The following CDH18 variants were observed in gnomAD, a reference collection of about 807,000 sequenced individuals.
CDH18 encodes the protein cadherin-18.
CDH18 carries 31 observed loss-of-function variants against 67.9 expected under a neutral mutation model. The observed-to-expected ratio is 0.46, with a 90% CI of 0.34 to 0.62. CDH18 has a LOEUF of 0.62. CDH18 is among the 20% of genes least tolerant of loss of function. The pLI is 0.01. For missense variants in CDH18, 890 were observed against 975.5 expected, an observed-to-expected ratio of 0.91 and a Z score of 1.17; for synonymous variants, 362 against 347.2, an observed-to-expected ratio of 1.04 and a Z score of -0.48.
chr5:20,329,701 C>T (rs892840731), intron 1 of CDH18, among the ~76,000 whole-genome samples: 41 of 127,226 alleles, frequency 3.2e-4, no homozygotes, highest in African/African-American at 1.1e-3. Context: ...ACCCCGGAGG[C>T]GGAGGTTGCA....
chr5:20,483,539 C>A (rs1456136634), intron 1 of CDH18, among the ~76,000 whole-genome samples: 1 of 150,880 alleles, frequency 6.6e-6, no homozygotes, highest in Admixed American at 6.6e-5. Flanking sequence ...TTATAATAAC[C>A]AAAACAGCAT....
chr5:20,555,512 T>A (rs1757859480), intron 1 of CDH18, among the ~76,000 whole-genome samples: 2 of 140,796 alleles, frequency 1.4e-5, no homozygotes, highest in South Asian at 4.7e-4. Context: ...TGGCGCAATC[T>A]CCGTTCACTG....
chr5:19,851,019 A>C (rs536360410), intron 2 of CDH18, among the ~76,000 whole-genome samples: 17 of 151,898 alleles, frequency 1.1e-4, no homozygotes, highest in Admixed American at 2.0e-4. Flanking sequence ...GGATATTCCA[A>C]TGAATTTTTA....
chr5:19,695,941 T>C (rs1762478839), intron 5 of CDH18, among the ~76,000 whole-genome samples: 1 of 152,202 alleles, frequency 6.6e-6, no homozygotes, highest in Admixed American at 6.5e-5. Context: ...ATTTTGCTGG[T>C]AACAATTTCA....
intron 2 of CDH18, among the ~76,000 whole-genome samples, chr5:20,075,301 G>A (rs565784645): frequency 1.4e-3 from 214 of 152,166 alleles, no homozygotes; most frequent in African/African-American, 4.8e-3. Flanking sequence ...TCAGGAGATC[G>A]AGACCGTCCT....
At position 19,717,383 on chromosome 5, in the gene CDH18, A is replaced by G. The variant is rs1403967580; in HGVS notation, c.643+3964T>C. ...ATTTTCATGTCCAGTTAAAAACTAC[A>G]CTGGTCTTCCATTCCGTAAGGAAAT... On this transcript the variant is annotated intron_variant, in intron 5 of 12. Coordinates refer to ENST00000382275, the MANE Select transcript of CDH18 (RefSeq NM_004934.5). Among the ~76,000 whole-genome samples, 3 of 145,566 alleles carry G rather than the reference A, an allele frequency of 2.1e-5. No individual in the cohort carries two copies. The East Asian group carries it at 6.3e-4, about 31-fold the overall frequency.
chr5:19,921,345 C>A (rs1175578875), intron 2 of CDH18, among the ~76,000 whole-genome samples: 1 of 152,074 alleles, frequency 6.6e-6, no homozygotes. Context: ...TCCTGGCTAA[C>A]ACAGTGAAAC....
intron 2 of CDH18, among the ~76,000 whole-genome samples, chr5:19,958,678 G>C (rs1345061996): frequency 2.6e-5 from 4 of 152,036 alleles, no homozygotes; most frequent in Non-Finnish European, 5.9e-5. Flanking sequence ...AGCCTGGGAA[G>C]CCCCAGGTAA....
Position 20,243,277 on chromosome 5 carries a change from G to T in CDH18, c.-518+12167C>A, listed in dbSNP as rs948748238. Among the ~76,000 whole-genome samples the T allele has an allele frequency of 6.6e-5, 10 of 152,230 alleles. No homozygotes were observed. The East Asian group carries it at 1.5e-3, about 24-fold the overall frequency. On this transcript the variant is annotated intron_variant, in intron 2 of 14. Transcript: ENST00000507958. ...ATTTAATGTGTTATAACTTTGTAAAGTTACCTAACTAGTCCCAATTTGGGC... is the reference window on the plus strand; with the variant it reads ...ATTTAATGTGTTATAACTTTGTAAATTTACCTAACTAGTCCCAATTTGGGC...
chr5:19,537,531 T>G (rs1749616296), intron 9 of CDH18, among the ~76,000 whole-genome samples: 1 of 152,000 alleles, frequency 6.6e-6, no homozygotes, highest in Non-Finnish European at 1.5e-5. Context: ...AATACACAAA[T>G]TCAGACACAT....
At chr5:20,508,405 TA>T (rs1754799046) in intron 1 of CDH18, among the ~76,000 whole-genome samples, 1 of 146,092 alleles carries the variant, frequency 6.8e-6, no homozygotes, top group Admixed American at 7.0e-5. Flanking sequence ...TAAGCTATAG[TA>T]GTATATTATA....
chr5:20,295,628 A>G (rs982001312), intron 1 of CDH18, among the ~76,000 whole-genome samples: 21 of 151,570 alleles, frequency 1.4e-4, no homozygotes, highest in Admixed American at 2.6e-4. Flanking sequence ...TCGGGAGGCT[A>G]AGGCAGGAGA....
chr5:20,298,239 T>C (rs927179659), intron 1 of CDH18, among the ~76,000 whole-genome samples: 1 of 152,186 alleles, frequency 6.6e-6, no homozygotes, highest in African/African-American at 2.4e-5. Flanking sequence ...GCAAAAATTA[T>C]AGAAAATTAA....
intron 3 of CDH18, among the ~76,000 whole-genome samples, chr5:19,808,771 T>C (rs1432578679): frequency 2.3e-5 from 3 of 129,486 alleles, no homozygotes; most frequent in East Asian, 4.7e-4. Flanking sequence ...GTGGAGCTTG[T>C]GGTGAGCCAC....
At chr5:20,417,003 C>T (rs576798446) in intron 1 of CDH18, among the ~76,000 whole-genome samples, 1 of 152,208 alleles carries the variant, frequency 6.6e-6, no homozygotes, top group East Asian at 1.9e-4. Context: ...TAATATTCAA[C>T]TTCATATATC....
At chr5:19,631,541 C>G (rs1404215248) in intron 5 of CDH18, among the ~76,000 whole-genome samples, 1 of 152,000 alleles carries the variant, frequency 6.6e-6, no homozygotes, top group Non-Finnish European at 1.5e-5. Flanking sequence ...TTTCAAGTTA[C>G]AGGCTTGGTC....
chr5:19,752,558 T>C (rs1770990414), intron 3 of CDH18, among the ~76,000 whole-genome samples: 1 of 152,072 alleles, frequency 6.6e-6, no homozygotes, highest in Admixed American at 6.6e-5. Flanking sequence ...CAGACACGCC[T>C]GGCCCTGCCC....
rs893524167 is a variant in CDH18, at chr5:19,811,148, A to C, written c.228+27611T>G. Among the ~76,000 whole-genome samples, 211 of 69,190 alleles carry C rather than the reference A, an allele frequency of 3.0e-3. 4 individuals are homozygous for C. The highest frequency in any genetic ancestry group is 9.3e-3 in the Middle Eastern group (1 of 108). The allele number at this position is 69,190 out of a possible 152,430, so 45.4% of individuals were successfully genotyped here. A position where few individuals can be genotyped will look rare whatever the true frequency, so the allele number is the denominator to read the frequency against. ...AAAGAAAGAAAGAAAGAAAGAAAGA[A>C]AGAAAGAAAGAAGGAGAGAAAGAAA... On this transcript the variant is annotated intron_variant, in intron 3 of 12. Transcript: ENST00000382275.
chr5:19,539,550 G>C (rs1749918577), intron 9 of CDH18, among the ~76,000 whole-genome samples: 1 of 152,104 alleles, frequency 6.6e-6, no homozygotes, highest in Non-Finnish European at 1.5e-5. Flanking sequence ...TTCTGGAGTT[G>C]ATTCTCTTTT....
Sources: allele counts gnomAD v4.1 joint callset (sites outside exome capture counted in the v4.1 genomes callset), GRCh38; gene constraint gnomAD v4.1.1; transcripts MANE v1.5; gene names NCBI Gene and HGNC (gene_info 2026-07-23, HGNC 2026-07-21).